PCGF5: variants seen among roughly 807,000 people sequenced by gnomAD.
The protein encoded by PCGF5 is polycomb group RING finger protein 5.
PCGF5 carries 9 observed loss-of-function variants against 44.3 expected under a neutral mutation model. The observed-to-expected ratio is 0.20, with a 90% confidence interval of 0.12 to 0.35. PCGF5 has a LOEUF of 0.35. PCGF5 is among the 10% of genes least tolerant of loss of function. The probability of loss-of-function intolerance (pLI) is 1.00; values close to 1 mark genes in which losing one functional copy is unlikely to be tolerated. For synonymous variants in PCGF5, 95 were observed against 102.5 expected (o/e 0.93, Z 0.44); for missense variants, 146 against 305.3 (o/e 0.48, Z 3.89).
At chr10:91,278,247 A>G (rs778253911) in intron 9 of PCGF5, 22 bp from the exon 10 acceptor site, 1 of 1,571,868 alleles carries the variant, frequency 6.4e-7, no homozygotes, top group African/African-American at 1.4e-5. Context: ...AGTCTTATTT[A>G]TTATCTGTCT....
upstream of PCGF5, among the ~76,000 whole-genome samples, chr10:91,162,386 T>C (rs115574612): frequency 5.1e-3 from 781 of 151,816 alleles, 12 homozygotes; most frequent in African/African-American, 0.018. Context: ...AGCTCTCGGG[T>C]GGAGGGCAGC....
intron 1 of PCGF5, among the ~76,000 whole-genome samples, chr10:91,203,131 A>T (rs1033721410): frequency 7.9e-5 from 12 of 152,214 alleles, no homozygotes; most frequent in Admixed American, 2.0e-4. Flanking sequence ...TAAGCATTTT[A>T]AGGGCTAATT....
At chr10:91,238,493 T>C (rs1845228987) in intron 2 of PCGF5, among the ~76,000 whole-genome samples, 1 of 152,030 alleles carries the variant, frequency 6.6e-6, no homozygotes, top group African/African-American at 2.4e-5. Flanking sequence ...AACCAAGGAT[T>C]GCCAACCCGT....
chr10:91,167,773 T>G (rs1177467502), intron 1 of PCGF5, among the ~76,000 whole-genome samples: 1 of 152,238 alleles, frequency 6.6e-6, no homozygotes, highest in Non-Finnish European at 1.5e-5. Context: ...CTTTAAGAGA[T>G]TAATCTTCAT....
intron 6 of PCGF5, 35 bp downstream of exon 6, chr10:91,251,475 A>G (rs1354566551): frequency 6.3e-7 from 1 of 1,578,740 alleles, no homozygotes; most frequent in Non-Finnish European, 8.6e-7. Flanking sequence ...TTTTATGATC[A>G]GTTTATAGTA....
At chr10:91,236,700 G>A (rs1214138547) in intron 2 of PCGF5, among the ~76,000 whole-genome samples, 5 of 152,218 alleles carry the variant, frequency 3.3e-5, no homozygotes, top group African/African-American at 1.2e-4. Flanking sequence ...GAGTTTTGTA[G>A]TGATGAGAAG....
chr10:91,213,009 A>G (rs2133255394), intron 1 of PCGF5, among the ~76,000 whole-genome samples: 1 of 152,346 alleles, frequency 6.6e-6, no homozygotes, highest in Admixed American at 6.5e-5. Flanking sequence ...AATCACAATA[A>G]GTTATACTTC....
intron 8 of PCGF5, among the ~76,000 whole-genome samples, chr10:91,270,820 T>C (rs1375880664): frequency 1.3e-5 from 2 of 152,142 alleles, no homozygotes; most frequent in Non-Finnish European, 2.9e-5. Context: ...AATTCATATA[T>C]GCATAATTTT....
chr10:91,197,914 T>A (rs1844169485), intron 1 of PCGF5, among the ~76,000 whole-genome samples: 1 of 152,174 alleles, frequency 6.6e-6, no homozygotes. Flanking sequence ...AGGAAAGAGT[T>A]CTCCTGGTTC....
At chr10:91,228,571 T>C (rs189430960) in intron 2 of PCGF5, among the ~76,000 whole-genome samples, 149 of 152,298 alleles carry the variant, frequency 9.8e-4, no homozygotes, top group Non-Finnish European at 1.8e-3. Context: ...ATAGTTGACG[T>C]GATAAGAGAC....
chr10:91,216,679 A>G (rs568667424), upstream of PCGF5, among the ~76,000 whole-genome samples: 1 of 152,286 alleles, frequency 6.6e-6, no homozygotes, highest in South Asian at 2.1e-4. Flanking sequence ...GGCTAAACAG[A>G]GGGATTTAAG....
chr10:91,246,965 GGATAGATAGATAGATAGATAGATA>G lies in PCGF5; in HGVS notation c.210-1507_210-1484del, dbSNP rs67397753. Among the ~76,000 whole-genome samples, 1,378 of 144,852 alleles carry G rather than the reference GGATAGATAGATAGATAGATAGATA, an allele frequency of 9.5e-3. 15 individuals are homozygous for G. Among genetic ancestry groups the G allele is most frequent in the Middle Eastern group, 0.014 (4 of 288 alleles). On this transcript the variant is annotated intron_variant, in intron 3 of 9. Coordinates refer to ENST00000336126, the MANE Select transcript of PCGF5 (RefSeq NM_032373.5). ...CAGGCAGATAGATAGATGGATAGAT[GGATAGATAGATAGATAGATAGATA>G]GATAGATAGATAGATAGATAGATAG...
intron 1 of PCGF5, among the ~76,000 whole-genome samples, chr10:91,189,934 A>G (rs1232881567): frequency 6.6e-6 from 1 of 152,248 alleles, no homozygotes; most frequent in Non-Finnish European, 1.5e-5. Context: ...ACAATTTCAA[A>G]TAGTTTACAA....
intron 8 of PCGF5, among the ~76,000 whole-genome samples, chr10:91,271,293 G>C (rs1320445446): frequency 6.6e-6 from 1 of 152,088 alleles, no homozygotes; most frequent in Non-Finnish European, 1.5e-5. Context: ...GTGATCAGAG[G>C]AAGGGATGGA....
intron 1 of PCGF5, among the ~76,000 whole-genome samples, chr10:91,182,565 T>C (rs1018934650): frequency 6.6e-6 from 1 of 152,116 alleles, no homozygotes; most frequent in Non-Finnish European, 1.5e-5. Flanking sequence ...CTCTGATTTT[T>C]GTTATTTCTT....
chr10:91,255,780 G>C (rs1361729108), intron 6 of PCGF5, among the ~76,000 whole-genome samples: 4 of 151,962 alleles, frequency 2.6e-5, no homozygotes, highest in African/African-American at 9.7e-5. Context: ...AAATACAGTG[G>C]TCCCTCAGTA....
chr10:91,187,835 T>C (rs1377336683), intron 1 of PCGF5, among the ~76,000 whole-genome samples: 2 of 152,140 alleles, frequency 1.3e-5, no homozygotes, highest in African/African-American at 4.8e-5. Context: ...AGAAAAAACT[T>C]AGAGTATTTT....
At chr10:91,208,875 A>G (rs1163316815) in intron 1 of PCGF5, among the ~76,000 whole-genome samples, 1 of 152,170 alleles carries the variant, frequency 6.6e-6, no homozygotes, top group Non-Finnish European at 1.5e-5. Context: ...ACCAAACTTT[A>G]TTGGTACCAA....
chr10:91,235,223 C>T (rs1359391225), intron 2 of PCGF5, among the ~76,000 whole-genome samples: 1 of 152,182 alleles, frequency 6.6e-6, no homozygotes, highest in South Asian at 2.1e-4. Flanking sequence ...TGGGATGGAG[C>T]CTGTGAGTCA....
Sources: gnomAD v4.1 joint callset for allele counts (sites outside exome capture counted in the v4.1 genomes callset) on GRCh38, gnomAD v4.1.1 for gene constraint, MANE v1.5 for transcripts, NCBI Gene and HGNC (gene_info 2026-07-23, HGNC 2026-07-21) for gene names.